Variants in NKAIN3 observed in about 807,000 individuals in gnomAD.
NKAIN3 encodes sodium/potassium transporting ATPase interacting 3, also known as sodium/potassium-transporting ATPase subunit beta-1-interacting protein 3.
In NKAIN3, 25 loss-of-function variants were observed where a neutral mutation model predicts 30.2. The ratio of observed to expected loss-of-function variants is 0.83; its 90% confidence interval spans 0.60 to 1.16. The LOEUF (loss-of-function observed/expected upper bound fraction) is 1.16, where lower values mean the gene tolerates loss of function less well. Ranked by LOEUF, NKAIN3 falls within the 50% of genes most tolerant of loss-of-function variation. NKAIN3 has a pLI of 0.00. For synonymous variants in NKAIN3, 91 were observed against 89.6 expected, an observed-to-expected ratio of 1.02 and a Z score of -0.09; for missense variants, 225 against 254.1, an observed-to-expected ratio of 0.89 and a Z score of 0.78.
At chr8:62,369,931 C>A (rs183482618) in intron 1 of NKAIN3, among the ~76,000 whole-genome samples, 4 of 152,050 alleles carry the variant, frequency 2.6e-5, no homozygotes, top group African/African-American at 9.6e-5. Context: ...AAAAAAAAGT[C>A]TTAAAGAACT....
chr8:62,714,742 T>C (rs1404125788), intron 3 of NKAIN3, among the ~76,000 whole-genome samples: 1 of 152,234 alleles, frequency 6.6e-6, no homozygotes, highest in Non-Finnish European at 1.5e-5. Flanking sequence ...TTTCTTTTTT[T>C]ACAAATGATC....
intron 3 of NKAIN3, among the ~76,000 whole-genome samples, chr8:62,683,147 C>T (rs930714038): frequency 6.6e-6 from 1 of 152,140 alleles, no homozygotes; most frequent in Admixed American, 6.5e-5. Context: ...CATTCTCCTT[C>T]CCCAGCATCC....
chr8:62,872,107 G>A lies in NKAIN3; in HGVS notation c.472-46346G>A, dbSNP rs185598154. Among the ~76,000 whole-genome samples, 13 of 152,268 alleles carry A rather than the reference G, an allele frequency of 8.5e-5. No homozygotes were observed. In the East Asian group the frequency reaches 2.3e-3, roughly 27 times the overall value. On this transcript the variant is annotated intron_variant, in intron 4 of 6. Coordinates refer to ENST00000623646, the MANE Select transcript of NKAIN3 (RefSeq NM_001304533.3). ...CCCACAGTATTCAGTACAGTAACTT[G>A]CTGCACATGCTTGTAGCCTAGAAGG...
chr8:62,785,907 T>C (rs1817501531), intron 4 of NKAIN3, among the ~76,000 whole-genome samples: 1 of 152,110 alleles, frequency 6.6e-6, no homozygotes, highest in Admixed American at 6.6e-5. Context: ...AGATAGGCAA[T>C]TAAAGTGTCT....
intron 4 of NKAIN3, among the ~76,000 whole-genome samples, chr8:62,806,463 A>T (rs1177602443): frequency 6.6e-6 from 1 of 152,256 alleles, no homozygotes; most frequent in Non-Finnish European, 1.5e-5. Flanking sequence ...ACCATGGAAT[A>T]CTATGTAGCC....
At chr8:62,818,567 T>A (rs1385980779) in intron 4 of NKAIN3, among the ~76,000 whole-genome samples, 1 of 144,312 alleles carries the variant, frequency 6.9e-6, no homozygotes, top group Non-Finnish European at 1.5e-5. Context: ...ATTTATTTGT[T>A]CACATAGCAA....
At chr8:62,634,271 C>A (rs189053603) in intron 3 of NKAIN3, among the ~76,000 whole-genome samples, 2 of 152,158 alleles carry the variant, frequency 1.3e-5, no homozygotes, top group South Asian at 4.1e-4. Flanking sequence ...ATACTAGACA[C>A]CTTACCCATC....
At chr8:62,932,954 G>A (rs72655095) in intron 5 of NKAIN3, among the ~76,000 whole-genome samples, 3,039 of 150,854 alleles carry the variant, frequency 0.02, 44 homozygotes, top group South Asian at 0.026. Flanking sequence ...AGGAAGAAAT[G>A]TCTGCCCTAG....
chr8:62,990,155 TTTTTATTCTC>T, intron 5 of NKAIN3: 1 of 1,186,038 alleles, frequency 8.4e-7, no homozygotes, highest in Non-Finnish European at 1.2e-6. Context: ...ATCAACTTAT[TTTTTATTCTC>T]AGATTCATGT....
At chr8:62,986,873 T>C (rs1824210119), downstream of NKAIN3, among the ~76,000 whole-genome samples, 1 of 152,230 alleles carries the variant, frequency 6.6e-6, no homozygotes, top group African/African-American at 2.4e-5. Context: ...TCTTGGTATA[T>C]AAACTCATCC....
chr8:62,699,413 A>G (rs1216300821), intron 3 of NKAIN3, among the ~76,000 whole-genome samples: 1 of 152,226 alleles, frequency 6.6e-6, no homozygotes, highest in Non-Finnish European at 1.5e-5. Context: ...TGCCCTTCAA[A>G]ATGGAATCAG....
intron 1 of NKAIN3, among the ~76,000 whole-genome samples, chr8:62,575,868 G>A (rs1201382488): frequency 3.9e-5 from 6 of 152,046 alleles, no homozygotes; most frequent in Non-Finnish European, 7.4e-5. Context: ...ATTGGGGAAA[G>A]GACAATCTTT....
intron 1 of NKAIN3, among the ~76,000 whole-genome samples, chr8:62,276,047 C>T (rs1184512761): frequency 6.6e-6 from 1 of 151,838 alleles, no homozygotes; most frequent in Non-Finnish European, 1.5e-5. Flanking sequence ...TATGTCAGTT[C>T]TGATTTTGAC....
chr8:62,442,884 A>T (rs182723250), intron 1 of NKAIN3, among the ~76,000 whole-genome samples: 1 of 152,068 alleles, frequency 6.6e-6, no homozygotes, highest in East Asian at 1.9e-4. Flanking sequence ...GTCCATTTTT[A>T]ACTATTTTCT....
rs1237687225 is a variant in NKAIN3 at position 62,250,594 on chromosome 8, G to C, written c.54+1467G>C. Among the ~76,000 whole-genome samples, 4 of 152,176 alleles carry C rather than the reference G, an allele frequency of 2.6e-5. No homozygotes were observed. In the East Asian group the frequency reaches 7.7e-4, roughly 29 times the overall value. On this transcript the variant is annotated intron_variant, in intron 1 of 6. Coordinates refer to ENST00000623646, the MANE Select transcript of NKAIN3 (RefSeq NM_001304533.3). ...ACCCTTGATTCAATGTAAGATTATA[G>C]ATAGGCATGCTGGATTGCATAATCT...
intron 1 of NKAIN3, among the ~76,000 whole-genome samples, chr8:62,368,106 C>T (rs1816795175): frequency 1.3e-5 from 2 of 152,240 alleles, no homozygotes; most frequent in South Asian, 4.1e-4. Flanking sequence ...TATGTCCATA[C>T]ATTGGAAGAA....
chr8:62,447,164 C>T (rs958196447), intron 1 of NKAIN3, among the ~76,000 whole-genome samples: 1 of 151,978 alleles, frequency 6.6e-6, no homozygotes, highest in African/African-American at 2.4e-5. Context: ...TAGACAAAAT[C>T]GGCACAAAAC....
chr8:62,762,764 T>A (rs1166656902), intron 4 of NKAIN3, among the ~76,000 whole-genome samples: 1 of 152,116 alleles, frequency 6.6e-6, no homozygotes, highest in African/African-American at 2.4e-5. Flanking sequence ...AGGTTTTGGA[T>A]CTGAGCAACA....
intron 1 of NKAIN3, among the ~76,000 whole-genome samples, chr8:62,479,350 A>G (rs1253376400): frequency 3.9e-5 from 6 of 152,176 alleles, no homozygotes; most frequent in Admixed American, 3.9e-4. Context: ...GAATGGAGCT[A>G]TTATCCAAAT....
Sources: gnomAD v4.1 joint callset for allele counts (sites outside exome capture counted in the v4.1 genomes callset) on GRCh38, gnomAD v4.1.1 for gene constraint, MANE v1.5 for transcripts, NCBI Gene and HGNC (gene_info 2026-07-23, HGNC 2026-07-21) for gene names.